The following NEGR1 variants were observed in gnomAD, a reference collection of about 807,000 sequenced individuals.
The protein encoded by NEGR1 is neuronal growth regulator 1.
Under a neutral mutation model 40.9 loss-of-function variants are expected in NEGR1, and 10 were observed. The observed-to-expected ratio is 0.24, with a 90% confidence interval of 0.15 to 0.42. The LOEUF is 0.42. NEGR1 is among the 10% of genes least tolerant of loss of function. The pLI is 1.00. For synonymous variants in NEGR1, 185 were observed against 166.8 expected (o/e 1.11, Z -0.84); for missense variants, 352 against 438.9 (o/e 0.80, Z 1.77).
At chr1:71,917,844 A>C (rs988723316) in intron 2 of NEGR1, among the ~76,000 whole-genome samples, 2 of 150,614 alleles carry the variant, frequency 1.3e-5, no homozygotes, top group African/African-American at 4.9e-5. Flanking sequence ...ACAGCAAACC[A>C]CTCTTCAAAA....
At chr1:72,028,783 A>G (rs937624075) in intron 1 of NEGR1, among the ~76,000 whole-genome samples, 18 of 152,144 alleles carry the variant, frequency 1.2e-4, no homozygotes, top group Admixed American at 9.2e-4. Context: ...TTCCCACCAT[A>G]TCCTACACAT....
intron 1 of NEGR1, among the ~76,000 whole-genome samples, chr1:72,073,358 G>A (rs1255227951): frequency 6.6e-6 from 1 of 152,084 alleles, no homozygotes; most frequent in Non-Finnish European, 1.5e-5. Context: ...TCCTAAAAAT[G>A]ATCTAGGTAA....
At chr1:71,848,986 C>T (rs768319476) in intron 2 of NEGR1, among the ~76,000 whole-genome samples, 5 of 151,556 alleles carry the variant, frequency 3.3e-5, no homozygotes, top group South Asian at 2.1e-4. Flanking sequence ...GCTACGCAGG[C>T]GGCTGAGGCA....
rs553701230 is a variant in NEGR1 at position 71,593,799 on chromosome 1, G to A, written c.789-831C>T. Among the ~76,000 whole-genome samples the A allele has an allele frequency of 5.9e-5, 9 of 152,080 alleles. No homozygotes were observed. The South Asian group carries it at 1.9e-3, about 32-fold the overall frequency. Reference sequence around the variant, plus strand: ...CCTATCTCTTGTACCTTCTATTTCTGCTAGTCAGATTCTTCCTTCCTCATT... The same window carrying A: ...CCTATCTCTTGTACCTTCTATTTCTACTAGTCAGATTCTTCCTTCCTCATT... On this transcript the variant is annotated intron_variant, in intron 5 of 6. Transcript: ENST00000357731.
chr1:71,818,217 A>G (rs1480607485), intron 2 of NEGR1, among the ~76,000 whole-genome samples: 1 of 152,068 alleles, frequency 6.6e-6, no homozygotes, highest in Admixed American at 6.6e-5. Flanking sequence ...TCATTCTACC[A>G]TAAAGACGTA....
rs1233215562 is a variant in NEGR1 at position 71,444,978 on chromosome 1, T to A, written c.941-37408A>T. Among the ~76,000 whole-genome samples, 5 of 152,182 alleles carry A rather than the reference T, an allele frequency of 3.3e-5. No homozygotes were observed. The East Asian group carries it at 7.7e-4, about 23-fold the overall frequency. On this transcript the variant is annotated intron_variant, in intron 6 of 6. Coordinates refer to ENST00000357731, the MANE Select transcript of NEGR1 (RefSeq NM_173808.3). ...AGCTCAGGCATATAAATGGACATAATCTCTGTTCTCATGGAGTTTACATTC... is the reference window on the plus strand; with the variant it reads ...AGCTCAGGCATATAAATGGACATAAACTCTGTTCTCATGGAGTTTACATTC...
chr1:72,171,227 T>C (rs926992673), intron 1 of NEGR1, among the ~76,000 whole-genome samples: 5 of 152,266 alleles, frequency 3.3e-5, no homozygotes, highest in Admixed American at 3.3e-4. Flanking sequence ...AGCCATCCAA[T>C]ACAAACAATC....
intron 1 of NEGR1, among the ~76,000 whole-genome samples, chr1:72,083,936 A>G (rs1020233486): frequency 1.3e-5 from 2 of 152,082 alleles, no homozygotes; most frequent in African/African-American, 4.8e-5. Context: ...ATTCTTGGTG[A>G]GCATTCGGTG....
At chr1:71,839,742 C>T (rs1659171810) in intron 2 of NEGR1, among the ~76,000 whole-genome samples, 1 of 152,098 alleles carries the variant, frequency 6.6e-6, no homozygotes, top group African/African-American at 2.4e-5. Context: ...GACATTTAAA[C>T]TACTCTTCAT....
intron 1 of NEGR1, among the ~76,000 whole-genome samples, chr1:71,978,767 A>G (rs141179245): frequency 6.6e-6 from 1 of 152,290 alleles, no homozygotes; most frequent in East Asian, 1.9e-4. Flanking sequence ...AGTGTATATT[A>G]GTTCAACCTT....
At chr1:72,222,087 G>A (rs893711957) in intron 1 of NEGR1, among the ~76,000 whole-genome samples, 14 of 152,068 alleles carry the variant, frequency 9.2e-5, no homozygotes, top group Non-Finnish European at 1.6e-4. Context: ...GGCCCCTGTA[G>A]ACACAGAGAA....
intron 6 of NEGR1, among the ~76,000 whole-genome samples, chr1:71,578,896 T>C (rs1055565173): frequency 6.6e-6 from 1 of 152,114 alleles, no homozygotes; most frequent in Non-Finnish European, 1.5e-5. Flanking sequence ...TCCAGAAATA[T>C]ATAAGGAGAA....
chr1:71,704,299 A>T (rs2101635468), intron 3 of NEGR1, among the ~76,000 whole-genome samples: 1 of 152,114 alleles, frequency 6.6e-6, no homozygotes, highest in Non-Finnish European at 1.5e-5. Flanking sequence ...AATAGTAAAG[A>T]TGATAAATTA....
intron 1 of NEGR1, among the ~76,000 whole-genome samples, chr1:71,946,464 G>A (rs892314012): frequency 5.3e-5 from 8 of 152,100 alleles, no homozygotes; most frequent in South Asian, 2.1e-4. Flanking sequence ...AAATAAAACC[G>A]TAAGTTCTCA....
intron 2 of NEGR1, among the ~76,000 whole-genome samples, chr1:71,822,269 A>G (rs1248541001): frequency 6.6e-6 from 1 of 151,964 alleles, no homozygotes; most frequent in African/African-American, 2.4e-5. Context: ...GTAGAAACAC[A>G]TCGATGGACC....
intron 6 of NEGR1, among the ~76,000 whole-genome samples, chr1:71,427,980 G>T (rs1646440112): frequency 8.5e-6 from 1 of 117,210 alleles, no homozygotes; most frequent in Non-Finnish European, 1.7e-5. Flanking sequence ...AAGACACACT[G>T]AGAGGCTGAT....
At chr1:72,039,368 G>A (rs1646932251) in intron 1 of NEGR1, among the ~76,000 whole-genome samples, 1 of 151,942 alleles carries the variant, frequency 6.6e-6, no homozygotes, top group South Asian at 2.1e-4. Context: ...AGATTCGTAG[G>A]TGTGGAGATG....
intron 2 of NEGR1, among the ~76,000 whole-genome samples, chr1:71,813,746 G>A (rs910773955): frequency 6.6e-6 from 1 of 151,968 alleles, no homozygotes; most frequent in Non-Finnish European, 1.5e-5. Context: ...TCTATTATTG[G>A]TGTATAGGGA....
chr1:71,942,984 ATGTGTATATATATGTG>A (rs894873534), intron 1 of NEGR1, among the ~76,000 whole-genome samples: 1 of 136,724 alleles, frequency 7.3e-6, no homozygotes, highest in African/African-American at 2.7e-5. Context: ...ATAAGTATAT[ATGTGTATATATATGTG>A]TGTGTATATA....
Sources: gnomAD v4.1 joint callset for allele counts (sites outside exome capture counted in the v4.1 genomes callset) on GRCh38, gnomAD v4.1.1 for gene constraint, MANE v1.5 for transcripts, NCBI Gene and HGNC (gene_info 2026-07-23, HGNC 2026-07-21) for gene names.